The following PARD3B variants were observed in gnomAD, a reference collection of about 807,000 sequenced individuals.
The protein encoded by PARD3B is par-3 family cell polarity regulator beta, also known as partitioning defective 3 homolog B.
PARD3B carries 103 observed loss-of-function variants against 130.2 expected under a neutral mutation model. That is an observed-to-expected ratio of 0.79 (90% CI 0.67 to 0.93). The LOEUF (loss-of-function observed/expected upper bound fraction) is 0.93, where lower values mean the gene tolerates loss of function less well. Among genes scored for constraint, PARD3B ranks in the 40% least tolerant of loss-of-function variants. The pLI is 0.00. For synonymous variants in PARD3B, 583 were observed against 553.2 expected (o/e 1.05, Z -0.76); for missense variants, 1,609 against 1,499.2 (o/e 1.07, Z -1.21).
chr2:205,013,373 T>G (rs1482789512), intron 3 of PARD3B, among the ~76,000 whole-genome samples: 2 of 152,210 alleles, frequency 1.3e-5, no homozygotes, highest in African/African-American at 4.8e-5. Context: ...TTTTTCCCCT[T>G]CAGACTTGTA....
chr2:204,965,087 C>A (rs1448705556), intron 2 of PARD3B, 65 bp from the exon 3 acceptor site: 3 of 1,488,016 alleles, frequency 2.0e-6, no homozygotes, highest in South Asian at 1.2e-5. Context: ...TCACGTTCAG[C>A]TAGATAGTGT....
At chr2:205,050,349 C>T (rs1699105362) in intron 4 of PARD3B, among the ~76,000 whole-genome samples, 1 of 151,954 alleles carries the variant, frequency 6.6e-6, no homozygotes, top group South Asian at 2.1e-4. Context: ...ATTATGCAAA[C>T]ATTAATAAAG....
rs1233218986 is a variant in PARD3B at position 205,015,432 on chromosome 2, A to G, written c.395-32149A>G. On this transcript the variant is annotated intron_variant, in intron 3 of 22. Coordinates refer to ENST00000406610, the MANE Select transcript of PARD3B (RefSeq NM_001302769.2). The surrounding 1 kb of genome is among the most constrained non-coding windows in gnomAD (Gnocchi z 4.5). Reference sequence around the variant, plus strand: ...AACCTGTGTTGTTCAAGGGTCAACCATACTGACATGTTTACATGTATTTCT... The same window carrying G: ...AACCTGTGTTGTTCAAGGGTCAACCGTACTGACATGTTTACATGTATTTCT... 6.6e-6 allele frequency among the ~76,000 whole-genome samples: 1 copy of G among 152,212 alleles called. No homozygotes were observed. Among genetic ancestry groups the G allele is most frequent in the Non-Finnish European group, 1.5e-5 (1 of 68,040 alleles).
intron 1 of PARD3B, among the ~76,000 whole-genome samples, chr2:204,575,160 A>G (rs73057271): frequency 2.8e-3 from 430 of 152,312 alleles, no homozygotes; most frequent in African/African-American, 9.7e-3. Flanking sequence ...AGTAATATAC[A>G]TGGTTTCATT....
At chr2:204,622,137 A>G (rs1311524913) in intron 1 of PARD3B, among the ~76,000 whole-genome samples, 1 of 152,192 alleles carries the variant, frequency 6.6e-6, no homozygotes, top group African/African-American at 2.4e-5. Context: ...TTTAGGTTCT[A>G]CCTTTCTAAT....
intron 2 of PARD3B, among the ~76,000 whole-genome samples, chr2:204,950,328 C>G (rs1248890180): frequency 6.6e-6 from 1 of 152,178 alleles, no homozygotes; most frequent in Non-Finnish European, 1.5e-5. Context: ...AGCTGCTATA[C>G]TTTTCTTTAT....
intron 2 of PARD3B, among the ~76,000 whole-genome samples, chr2:204,875,762 G>T (rs2045817904): frequency 6.6e-6 from 1 of 152,174 alleles, no homozygotes. Context: ...TATGTAAAAA[G>T]GAAATGGACT....
rs557738800 is a variant in PARD3B at position 204,903,589 on chromosome 2, A to G, written c.223-61563A>G. Among the ~76,000 whole-genome samples, 730 of 152,196 alleles carry G rather than the reference A, an allele frequency of 4.8e-3. 2 individuals carry two copies. Among genetic ancestry groups the G allele is most frequent in the Non-Finnish European group, 7.6e-3 (517 of 67,982 alleles). On this transcript the variant is annotated intron_variant, in intron 2 of 22. Coordinates refer to ENST00000406610, the MANE Select transcript of PARD3B (RefSeq NM_001302769.2). ...ACATGTTGCAAGAGAAACCTTCCTA[A>G]TTTGTTCACAAATTTTCTGTTTTTT... is the stretch of plus-strand genomic sequence containing the variant.
At chr2:205,329,848 G>T (rs1165696930) in intron 18 of PARD3B, among the ~76,000 whole-genome samples, 1 of 151,740 alleles carries the variant, frequency 6.6e-6, no homozygotes, top group Admixed American at 6.6e-5. Flanking sequence ...ACAAAAATTA[G>T]CCGGGCGTGT....
chr2:204,801,164 G>A (rs1480412825), intron 2 of PARD3B, among the ~76,000 whole-genome samples: 1 of 152,094 alleles, frequency 6.6e-6, no homozygotes, highest in African/African-American at 2.4e-5. Flanking sequence ...CTCCAGCTTT[G>A]CTCTTTTTGC....
At chr2:205,273,635 A>G (rs2040827736) in intron 16 of PARD3B, among the ~76,000 whole-genome samples, 1 of 152,196 alleles carries the variant, frequency 6.6e-6, no homozygotes, top group Non-Finnish European at 1.5e-5. Flanking sequence ...AACTCCTCCT[A>G]GATCAGGTCT....
intron 15 of PARD3B, among the ~76,000 whole-genome samples, chr2:205,220,543 A>G (rs556620349): frequency 5.3e-5 from 8 of 152,310 alleles, no homozygotes; most frequent in African/African-American, 1.7e-4. Context: ...TACATTTCAG[A>G]CATGTTCTAG....
At position 205,141,982 on chromosome 2, in the gene PARD3B, T is replaced by A. The variant is rs575414702; in HGVS notation, c.1434+16245T>A. Among the ~76,000 whole-genome samples, 72 of 152,342 alleles carry A rather than the reference T, an allele frequency of 4.7e-4. 1 individual carries two copies. Among genetic ancestry groups the A allele is most frequent in the East Asian group, 2.3e-3 (12 of 5,188 alleles). On this transcript the variant is annotated intron_variant, in intron 10 of 22. Transcript: ENST00000406610. Reference sequence around the variant, plus strand: ...TTAAAAAATATGTACCATACACTTGTTCTTAGGCATGGCGTTGGGATAAGG... The same window carrying A: ...TTAAAAAATATGTACCATACACTTGATCTTAGGCATGGCGTTGGGATAAGG...
At chr2:205,557,379 C>G (rs2052937248) in intron 22 of PARD3B, among the ~76,000 whole-genome samples, 1 of 152,204 alleles carries the variant, frequency 6.6e-6, no homozygotes, top group South Asian at 2.1e-4. Context: ...ACTCCCCAAG[C>G]CCAGTCTCTG....
intron 18 of PARD3B, among the ~76,000 whole-genome samples, chr2:205,317,355 C>T (rs2105952509): frequency 6.6e-6 from 1 of 152,266 alleles, no homozygotes; most frequent in Middle Eastern, 3.4e-3. Context: ...GTAGATATGT[C>T]TATGGGCTAA....
At chr2:204,607,265 TA>T (rs2033757094) in intron 1 of PARD3B, among the ~76,000 whole-genome samples, 1 of 152,192 alleles carries the variant, frequency 6.6e-6, no homozygotes, top group African/African-American at 2.4e-5. Flanking sequence ...TACATTTACT[TA>T]ACAAAAAATT....
chr2:205,038,048 T>C (rs1449902523), intron 3 of PARD3B, among the ~76,000 whole-genome samples: 1 of 152,146 alleles, frequency 6.6e-6, no homozygotes, highest in African/African-American at 2.4e-5. Flanking sequence ...TTACAACTGA[T>C]TGCAGTATTA....
chr2:204,720,552 T>C (rs2038945320), intron 2 of PARD3B, among the ~76,000 whole-genome samples: 1 of 152,180 alleles, frequency 6.6e-6, no homozygotes, highest in Non-Finnish European at 1.5e-5. Flanking sequence ...TGGCTGATGG[T>C]TGAAAAAGAA....
intron 2 of PARD3B, among the ~76,000 whole-genome samples, chr2:204,803,352 C>G (rs1230916705): frequency 1.3e-5 from 2 of 151,688 alleles, no homozygotes; most frequent in African/African-American, 4.8e-5. Flanking sequence ...AGATACAAAC[C>G]TCACTGGTAA....
Sources: gnomAD v4.1 joint callset for allele counts (sites outside exome capture counted in the v4.1 genomes callset) on GRCh38, gnomAD v4.1.1 for gene constraint, Gnocchi (gnomAD v3.1) non-coding constraint, MANE v1.5 for transcripts, NCBI Gene and HGNC (gene_info 2026-07-23, HGNC 2026-07-21) for gene names.